Variants in ODR4 observed in about 807,000 individuals in gnomAD.
ODR4 encodes odr-4 GPCR localization factor homolog.
ODR4 carries 47 observed loss-of-function variants against 60.2 expected under a neutral mutation model. That is an observed-to-expected ratio of 0.78 (90% CI 0.62 to 1.00). The LOEUF is 1.00. Ranked by LOEUF, ODR4 falls within the 50% of genes least tolerant of loss-of-function variation. The probability of loss-of-function intolerance (pLI) is 0.00; values close to 1 mark genes in which losing one functional copy is unlikely to be tolerated. For missense variants in ODR4, 488 were observed against 530.8 expected (o/e 0.92, Z 0.79); for synonymous variants, 178 against 175.5 (o/e 1.01, Z -0.11).
At chr1:186,423,486 G>A (rs182369239), downstream of ODR4, among the ~76,000 whole-genome samples, 22 of 112,814 alleles carry the variant, frequency 2.0e-4, no homozygotes, top group East Asian at 6.0e-4. Context: ...ATGGAGTCTC[G>A]CTCTGTCACC....
chr1:186,382,347 C>A (rs1272061473), intron 2 of ODR4, among the ~76,000 whole-genome samples: 1 of 151,668 alleles, frequency 6.6e-6, no homozygotes, highest in African/African-American at 2.4e-5. Context: ...ATTGCTTGAG[C>A]CCAGGAGTGC....
In ODR4 at chr1:186,381,951, A is replaced by G. The variant is rs902168932; in HGVS notation, c.100-1071A>G. Among the ~76,000 whole-genome samples, 57 of 152,194 alleles carry G rather than the reference A, an allele frequency of 3.7e-4. 1 individual carries two copies. The highest frequency in any genetic ancestry group is 1.4e-3 in the African/African-American group (57 of 41,446). On this transcript the variant is annotated intron_variant, in intron 2 of 13. Coordinates refer to ENST00000287859, the MANE Select transcript of ODR4 (RefSeq NM_017847.6). ...AGATGATACTAATGATCAGAGTTTCAGGTCATGTGTGGGGAAGATACAATG... is the reference window on the plus strand; with the variant it reads ...AGATGATACTAATGATCAGAGTTTCGGGTCATGTGTGGGGAAGATACAATG...
intron 3 of ODR4, among the ~76,000 whole-genome samples, chr1:186,383,675 G>GTATATATATATATATATATATATATATA (rs1435664889): frequency 3.5e-5 from 4 of 114,798 alleles, no homozygotes; most frequent in African/African-American, 1.3e-4. Context: ...TTCTGTGTAT[G>GTATATATATATATATATATATATATATA]TAGATATATA....
intron 1 of ODR4, among the ~76,000 whole-genome samples, chr1:186,376,926 C>A (rs1659797821): frequency 6.6e-6 from 1 of 152,146 alleles, no homozygotes; most frequent in East Asian, 1.9e-4. Flanking sequence ...AGTCACAGTG[C>A]TTGGACCACA....
chr1:186,389,487 C>G (rs1660377138), intron 5 of ODR4, 101 bp from the exon 6 acceptor site: 2 of 871,122 alleles, frequency 2.3e-6, no homozygotes, highest in Admixed American at 2.8e-5. Flanking sequence ...TTTGTAAGAA[C>G]TTTTGGATGC....
intron 6 of ODR4, among the ~76,000 whole-genome samples, 180 bp from the exon 7 acceptor site, chr1:186,390,531 T>G (rs2102035081): frequency 1.3e-5 from 2 of 152,352 alleles, no homozygotes; most frequent in Middle Eastern, 6.8e-3. Flanking sequence ...GTACTGAACT[T>G]AACACATGCT....
Position 186,390,710 on chromosome 1 carries a change from G to C in ODR4, c.475-1G>C. 6.2e-7 allele frequency: 1 copy of C among 1,613,284 alleles called. No individual in the cohort carries two copies. The highest frequency in any genetic ancestry group is 8.5e-7 in the Non-Finnish European group (1 of 1,179,558). On this transcript the variant is annotated splice_acceptor_variant, in intron 6 of 13. Coordinates refer to ENST00000287859, the MANE Select transcript of ODR4 (RefSeq NM_017847.6). LOFTEE classifies it high-confidence loss of function. ...TATTTTTCTCCCTTCTCCACTGCTA[G>C]AGTTCAGCAAGACCAGCAGATTGGA...
In ODR4 at chr1:186,419,500, G is replaced by C. The variant is rs1661702197; in HGVS notation, c.*424G>C. The C allele has an allele frequency of 6.3e-6, 1 of 158,968 alleles. No homozygotes were observed. Among genetic ancestry groups the C allele is most frequent in the Admixed American group, 6.2e-5 (1 of 16,020 alleles). 9.8% of individuals were successfully genotyped at this position (158,968 alleles called of 1,614,324 possible). Reference sequence around the variant, plus strand: ...AGGTAGGAGCATCACCTGGGGCTGGGAGGGAGTTGGAGACCAGCCTGGATG... The same window carrying C: ...AGGTAGGAGCATCACCTGGGGCTGGCAGGGAGTTGGAGACCAGCCTGGATG... On this transcript the variant is annotated 3_prime_UTR_variant, in exon 14 of 14. Transcript: ENST00000287859.
In ODR4 at chr1:186,388,507, C is replaced by A; in HGVS notation, c.396C>A (p.Val132=). 6.4e-7 allele frequency: 1 copy of A among 1,568,138 alleles called. No homozygotes were observed. The highest frequency in any genetic ancestry group is 2.3e-5 in the East Asian group (1 of 43,034). The change falls in exon 5 of 14, where the codon GTC becomes GTA. Residue 132 remains valine, a synonymous_variant. Coordinates refer to ENST00000287859, the MANE Select transcript of ODR4 (RefSeq NM_017847.6). The part of the protein sequence containing the change: ...KRLWNFTEEE[V]SERVTLHICA... ...TGTGGAATTTCACAGAGGAGGAAGTCTCAGAACGAGTGACACTTCACATTT... is the reference window on the plus strand; with the variant it reads ...TGTGGAATTTCACAGAGGAGGAAGTATCAGAACGAGTGACACTTCACATTT...
At chr1:186,394,088 T>C in intron 9 of ODR4, 73 bp downstream of exon 9, 1 of 914,424 alleles carries the variant, frequency 1.1e-6, no homozygotes, top group Non-Finnish European at 1.7e-6. Context: ...TTTTTATTTT[T>C]CTCATTAGAG....
At chr1:186,430,985 G>A in the ODR4 span, among the ~76,000 whole-genome samples, 1 of 151,854 alleles carries the variant, frequency 6.6e-6, no homozygotes, top group Non-Finnish European at 1.5e-5. Context: ...TAAGCGTGTA[G>A]AAACAAGATA....
chr1:186,401,165 A>G (rs1660929845), intron 11 of ODR4: 2 of 1,592,636 alleles, frequency 1.3e-6, no homozygotes, highest in Non-Finnish European at 1.7e-6. Context: ...ATTCTTTCAT[A>G]TTGTTAGTAC....
chr1:186,409,458 G>A (rs1304052486), intron 12 of ODR4, among the ~76,000 whole-genome samples: 3 of 152,212 alleles, frequency 2.0e-5, no homozygotes, highest in Non-Finnish European at 2.9e-5. Flanking sequence ...GATATTTGTT[G>A]ACTGAATAAA....
intron 6 of ODR4, among the ~76,000 whole-genome samples, chr1:186,389,888 A>T (rs1223115025): frequency 6.6e-6 from 1 of 152,222 alleles, no homozygotes; most frequent in Non-Finnish European, 1.5e-5. Flanking sequence ...CTTGGGCTCG[A>T]GGGATCCTCC....
At chr1:186,416,855 C>CA (rs71104859) in intron 12 of ODR4, among the ~76,000 whole-genome samples, 25,047 of 85,578 alleles carry the variant, frequency 0.29, 3,825 homozygotes, top group Non-Finnish European at 0.35. Context: ...GATTCTGTCT[C>CA]AAAAAAAAAA....
chr1:186,406,333 CTAGTT>C, intron 12 of ODR4, 65 bp downstream of exon 12: 1 of 1,218,852 alleles, frequency 8.2e-7, no homozygotes, highest in Non-Finnish European at 1.1e-6. Context: ...TATGAGATGT[CTAGTT>C]TAAATATCAT....
At chr1:186,390,043 T>C (rs1461313978) in intron 6 of ODR4, among the ~76,000 whole-genome samples, 2 of 152,196 alleles carry the variant, frequency 1.3e-5, no homozygotes, top group Non-Finnish European at 2.9e-5. Flanking sequence ...TGGGCTCAAG[T>C]GATCTGCCTG....
chr1:186,384,347 C>G (rs1307541272), intron 3 of ODR4, among the ~76,000 whole-genome samples: 2 of 151,974 alleles, frequency 1.3e-5, no homozygotes, highest in African/African-American at 4.8e-5. Flanking sequence ...AACTCATTCA[C>G]TGCTCTGAGG....
chr1:186,412,381 C>T (rs1186431437), intron 12 of ODR4, among the ~76,000 whole-genome samples: 4 of 151,984 alleles, frequency 2.6e-5, no homozygotes, highest in African/African-American at 9.7e-5. Context: ...CATTTGAGTT[C>T]GTTTTGAAGG....
Sources: allele counts gnomAD v4.1 joint callset (sites outside exome capture counted in the v4.1 genomes callset), GRCh38; gene constraint gnomAD v4.1.1; transcripts MANE v1.5; gene names NCBI Gene and HGNC (gene_info 2026-07-23, HGNC 2026-07-21).